SUPT3H: variants seen among roughly 807,000 people sequenced by gnomAD.
SUPT3H encodes the protein transcription initiation protein SPT3 homolog.
Under a neutral mutation model 44.3 loss-of-function variants are expected in SUPT3H, and 44 were observed. That is an observed-to-expected ratio of 0.99 (90% CI 0.78 to 1.28). The LOEUF is 1.28. Among genes scored for constraint, SUPT3H ranks in the 50% most tolerant of loss-of-function variants. SUPT3H has a pLI of 0.00. For missense variants in SUPT3H, 380 were observed against 387.1 expected (o/e 0.98, Z 0.15); for synonymous variants, 124 against 125.6 (o/e 0.99, Z 0.09).
chr6:45,025,840 G>A (rs1785903878), intron 3 of SUPT3H, among the ~76,000 whole-genome samples: 1 of 148,972 alleles, frequency 6.7e-6, no homozygotes, highest in African/African-American at 2.5e-5. Flanking sequence ...CTGAGATAGC[G>A]CCACTGCACT....
intron 2 of SUPT3H, chr6:45,321,830 GATAACA>G (rs767570619): frequency 3.8e-5 from 61 of 1,605,102 alleles, no homozygotes; most frequent in Non-Finnish European, 4.1e-5. Context: ...AGGATATTGT[GATAACA>G]ATAGGGAAAA....
intron 9 of SUPT3H, among the ~76,000 whole-genome samples, chr6:44,945,818 A>G (rs1773252461): frequency 6.6e-6 from 1 of 152,212 alleles, no homozygotes; most frequent in Non-Finnish European, 1.5e-5. Context: ...GGTTAAGCTA[A>G]GATCAATGAT....
At chr6:45,121,653 T>C (rs1175730407) in intron 2 of SUPT3H, among the ~76,000 whole-genome samples, 1 of 152,116 alleles carries the variant, frequency 6.6e-6, no homozygotes, top group African/African-American at 2.4e-5. Flanking sequence ...TTTCTACTTA[T>C]AGATTTTTTT....
At chr6:45,093,848 A>G (rs1797449510) in intron 3 of SUPT3H, among the ~76,000 whole-genome samples, 1 of 152,168 alleles carries the variant, frequency 6.6e-6, no homozygotes, top group Non-Finnish European at 1.5e-5. Context: ...TCACATAGAA[A>G]AAAACCTAAT....
chr6:44,977,846 C>T (rs527647030), intron 6 of SUPT3H, among the ~76,000 whole-genome samples: 8 of 152,244 alleles, frequency 5.3e-5, no homozygotes, highest in African/African-American at 1.9e-4. Context: ...AAAAATTCTA[C>T]GTGAAATGCT....
At chr6:45,323,756 A>G (rs1034360620) in intron 2 of SUPT3H, among the ~76,000 whole-genome samples, 1 of 152,086 alleles carries the variant, frequency 6.6e-6, no homozygotes, top group African/African-American at 2.4e-5. Context: ...TTTTCCAAGA[A>G]AGCTAATATA....
intron 5 of SUPT3H, among the ~76,000 whole-genome samples, chr6:45,012,478 T>C (rs1783635190): frequency 6.6e-6 from 1 of 152,092 alleles, no homozygotes; most frequent in Non-Finnish European, 1.5e-5. Flanking sequence ...ATTGTATTCT[T>C]GAACTCCGTA....
chr6:45,282,196 G>C (rs966763850), intron 2 of SUPT3H, among the ~76,000 whole-genome samples: 1 of 152,190 alleles, frequency 6.6e-6, no homozygotes, highest in Non-Finnish European at 1.5e-5. Context: ...CTCCTCTAAA[G>C]GAACGCAGCT....
intron 2 of SUPT3H, among the ~76,000 whole-genome samples, chr6:45,116,727 A>G (rs1294028078): frequency 1.3e-5 from 2 of 152,152 alleles, no homozygotes; most frequent in East Asian, 3.8e-4. Flanking sequence ...CTTTATTGAG[A>G]TATCATTTAC....
intron 2 of SUPT3H, among the ~76,000 whole-genome samples, chr6:45,228,588 C>T (rs1456027317): frequency 2.0e-5 from 3 of 152,206 alleles, no homozygotes; most frequent in Middle Eastern, 3.4e-3. Context: ...AACACCCGCG[C>T]GCGCGCACAC....
intron 6 of SUPT3H, among the ~76,000 whole-genome samples, chr6:44,964,235 C>A (rs1388303848): frequency 6.6e-6 from 1 of 151,998 alleles, no homozygotes; most frequent in Non-Finnish European, 1.5e-5. Flanking sequence ...TTCCACAGGG[C>A]AAATGACTAT....
intron 3 of SUPT3H, among the ~76,000 whole-genome samples, chr6:45,028,510 G>T (rs911679690): frequency 6.6e-6 from 1 of 150,414 alleles, no homozygotes; most frequent in Non-Finnish European, 1.5e-5. Context: ...TCTACATCTT[G>T]TAAGTTTATA....
intron 2 of SUPT3H, among the ~76,000 whole-genome samples, chr6:45,298,581 C>T (rs1781651495): frequency 1.3e-5 from 2 of 151,674 alleles, no homozygotes; most frequent in African/African-American, 4.8e-5. Flanking sequence ...GTGATCCATC[C>T]GTCTTGGCCT....
In SUPT3H at chr6:45,283,902, A is replaced by C. The variant is rs146148427; in HGVS notation, c.101+81299T>G. 5.3e-3 allele frequency among the ~76,000 whole-genome samples: 813 copies of C among 152,286 alleles called. 5 individuals are homozygous for C. Among genetic ancestry groups the C allele is most frequent in the African/African-American group, 0.018 (750 of 41,558 alleles). Reference sequence around the variant, plus strand: ...ACAAACTGTCTCTCAGACCACAGTGAAATCAAACTAGAACTCAGGATTAAG... The same window carrying C: ...ACAAACTGTCTCTCAGACCACAGTGCAATCAAACTAGAACTCAGGATTAAG... On this transcript the variant is annotated intron_variant, in intron 2 of 10. Coordinates refer to ENST00000371459, the MANE Select transcript of SUPT3H (RefSeq NM_003599.4).
intron 3 of SUPT3H, among the ~76,000 whole-genome samples, chr6:45,075,971 CATATA>C (rs568540559): frequency 2.1e-3 from 319 of 152,124 alleles, no homozygotes; most frequent in African/African-American, 7.3e-3. Context: ...ATAATTAGTT[CATATA>C]ATATATTTAA....
In SUPT3H at chr6:45,281,401, C is replaced by T. The variant is rs187530844; in HGVS notation, c.101+83800G>A. On this transcript the variant is annotated intron_variant, in intron 2 of 10. Coordinates refer to ENST00000371459, the MANE Select transcript of SUPT3H (RefSeq NM_003599.4). ...TCGGGTCATTCCCACCCTAATACTGCGCTTTTCCAATGGTCTTAGCAAATG... is the reference window on the plus strand; with the variant it reads ...TCGGGTCATTCCCACCCTAATACTGTGCTTTTCCAATGGTCTTAGCAAATG... 1.8e-3 allele frequency among the ~76,000 whole-genome samples: 277 copies of T among 152,298 alleles called. 2 individuals are homozygous for T. The highest frequency in any genetic ancestry group is 3.0e-3 in the Non-Finnish European group (206 of 68,040).
intron 2 of SUPT3H, among the ~76,000 whole-genome samples, chr6:45,264,139 G>A (rs1322513067): frequency 2.0e-5 from 3 of 152,048 alleles, no homozygotes; most frequent in Non-Finnish European, 4.4e-5. Flanking sequence ...TAATGAAAAA[G>A]AAATGAAAAC....
chr6:45,109,534 T>C (rs1043398596), intron 2 of SUPT3H, among the ~76,000 whole-genome samples: 1 of 151,188 alleles, frequency 6.6e-6, no homozygotes, highest in Admixed American at 6.6e-5. Flanking sequence ...GCATACACTG[T>C]AAAGTAAGTA....
At chr6:45,177,060 C>T (rs940230028) in intron 2 of SUPT3H, among the ~76,000 whole-genome samples, 17 of 152,332 alleles carry the variant, frequency 1.1e-4, no homozygotes, top group Middle Eastern at 6.8e-3. Flanking sequence ...CGGAACAAAG[C>T]TGGACGGAGA....
Sources: gnomAD v4.1 joint callset for allele counts (sites outside exome capture counted in the v4.1 genomes callset) on GRCh38, gnomAD v4.1.1 for gene constraint, MANE v1.5 for transcripts, NCBI Gene and HGNC (gene_info 2026-07-23, HGNC 2026-07-21) for gene names.